Variants in ZNF239 observed in about 807,000 individuals in gnomAD.
ZNF239 encodes zinc finger protein (C2H2) homologous to mouse MOK-2.
A neutral mutation model predicts 27.5 loss-of-function variants in ZNF239; 16 were observed. That is an observed-to-expected ratio of 0.58 (90% CI 0.39 to 0.88). The LOEUF (loss-of-function observed/expected upper bound fraction) is 0.88. Ranked by LOEUF, ZNF239 falls within the 40% of genes least tolerant of loss-of-function variation. ZNF239 has a pLI of 0.00. For missense variants in ZNF239, 527 were observed against 551.9 expected, an observed-to-expected ratio of 0.95 and a Z score of 0.45; for synonymous variants, 199 against 192.6, an observed-to-expected ratio of 1.03 and a Z score of -0.27.
In ZNF239 at chr10:43,556,589, T is replaced by C. The variant is rs1358946029; in HGVS notation, c.*114A>G. ...AGTGATTTTTCAGTGAGGGAACATA[T>C]CTAAATAACCCTTACATCTCTCTCC... On this transcript the variant is annotated 3_prime_UTR_variant, in exon 4 of 4. Coordinates refer to ENST00000374446, the MANE Select transcript of ZNF239 (RefSeq NM_001099282.2). 7.4e-7 allele frequency: 1 copy of C among 1,353,672 alleles called. No individual in the cohort carries two copies. The highest frequency in any genetic ancestry group is 9.9e-7 in the Non-Finnish European group (1 of 1,011,088). 83.9% of individuals were successfully genotyped at this position (1,353,672 alleles called of 1,614,324 possible). A position where few individuals can be genotyped will look rare whatever the true frequency, so the allele number is the denominator to read the frequency against.
intron 2 of ZNF239, among the ~76,000 whole-genome samples, chr10:43,568,895 C>T (rs1837857659): frequency 6.6e-6 from 1 of 152,114 alleles, no homozygotes; most frequent in Non-Finnish European, 1.5e-5. Context: ...ACTGAAAATA[C>T]AAAAATTAGC....
At position 43,557,927 on chromosome 10, in the gene ZNF239, T is replaced by G; in HGVS notation, c.153A>C (p.Gln51His). 1.2e-6 allele frequency: 2 copies of G among 1,614,208 alleles called. No homozygotes were observed. The highest frequency in any genetic ancestry group is 4.5e-5 in the East Asian group (2 of 44,894). Reference sequence around the variant, plus strand: ...TTTCAATGTTTTCGAAACAACCACTTTGAAGAGTCATCACACTGTCCCTGT... The same window carrying G: ...TTTCAATGTTTTCGAAACAACCACTGTGAAGAGTCATCACACTGTCCCTGT... Reference protein sequence around the residue: ...SRNRDSVMTLQSGCFENIESE... With the variant: ...SRNRDSVMTLHSGCFENIESE... The change falls in exon 4 of 4, where the codon CAA (glutamine) becomes CAC (histidine). Residue 51 changes from glutamine to histidine, a missense_variant. Transcript: ENST00000374446.
chr10:43,565,998 ATAAAAAT>A (rs1837623184), intron 3 of ZNF239, among the ~76,000 whole-genome samples: 1 of 152,232 alleles, frequency 6.6e-6, no homozygotes, highest in South Asian at 2.1e-4. Flanking sequence ...ATATGCTGAA[ATAAAAAT>A]TAAAAAAGGA....
Position 43,557,030 on chromosome 10 carries a change from A to C in ZNF239, c.1050T>G (p.Gly350=), listed in dbSNP as rs1286923618. 1.2e-6 allele frequency: 2 copies of C among 1,607,048 alleles called. No individual in the cohort carries two copies. Among genetic ancestry groups the C allele is most frequent in the South Asian group, 1.1e-5 (1 of 90,742 alleles). Residue 350 remains glycine (G), a synonymous_variant, in exon 4 of 4, where the codon GGT becomes GGG. Coordinates refer to ENST00000374446, the MANE Select transcript of ZNF239 (RefSeq NM_001099282.2). ...TCTGACTGAAGCCCTTCCCACACTCACCACACTTGTAGGGCCTCTCTCCTG... is the reference window on the plus strand; with the variant it reads ...TCTGACTGAAGCCCTTCCCACACTCCCCACACTTGTAGGGCCTCTCTCCTG... The part of the protein sequence containing the change: ...VHTGERPYKC[G]ECGKGFSQSS...
At chr10:43,574,182 C>A (rs2132323339) in intron 1 of ZNF239, among the ~76,000 whole-genome samples, 1 of 152,342 alleles carries the variant, frequency 6.6e-6, no homozygotes, top group African/African-American at 2.4e-5. Context: ...AACCCCCCTG[C>A]AATAACGCCC....
chr10:43,558,455 A>AC (rs1564455846), intron 3 of ZNF239, among the ~76,000 whole-genome samples: 2 of 147,594 alleles, frequency 1.4e-5, no homozygotes. Flanking sequence ...ATCTCACTTC[A>AC]TTTTTTTTTT....
rs1360502924 is a variant in ZNF239, at chr10:43,558,131, T to C, written c.-52A>G. On this transcript the variant is annotated 5_prime_UTR_variant, in exon 4 of 4. Transcript: ENST00000374446. ...GCTCATGTAACAGATCCTGAAGTGT[T>C]TTCTGCTGAAGATTCTCCACAGAAT... is the stretch of plus-strand genomic sequence containing the variant. The C allele has an allele frequency of 6.5e-7, 1 of 1,545,146 alleles. No homozygotes were observed. Among genetic ancestry groups the C allele is most frequent in the Non-Finnish European group, 8.7e-7 (1 of 1,146,302 alleles).
At chr10:43,565,817 GAAAAAAAAAAA>G (rs36039838) in intron 3 of ZNF239, among the ~76,000 whole-genome samples, 1 of 67,138 alleles carries the variant, frequency 1.5e-5, no homozygotes, top group Admixed American at 2.7e-4. Flanking sequence ...TCCATCTCAA[GAAAAAAAAAAA>G]AAAAAAAAAA....
chr10:43,559,666 A>G (rs1465475380), intron 3 of ZNF239, among the ~76,000 whole-genome samples: 1 of 152,232 alleles, frequency 6.6e-6, no homozygotes, highest in Non-Finnish European at 1.5e-5. Flanking sequence ...ACTTACTGGT[A>G]TATTAAAAAA....
chr10:43,569,543 T>C (rs549099748), intron 2 of ZNF239, among the ~76,000 whole-genome samples: 1 of 152,304 alleles, frequency 6.6e-6, no homozygotes, highest in East Asian at 1.9e-4. Flanking sequence ...ATCAAACTCA[T>C]TGTAGCTTCT....
At chr10:43,570,049 G>A (rs1008918669) in intron 2 of ZNF239, 2 of 403,536 alleles carry the variant, frequency 5.0e-6, no homozygotes, top group Non-Finnish European at 6.7e-6. Flanking sequence ...TAAAGTGATA[G>A]AATATATAAA....
chr10:43,566,995 G>A (rs1283572946), intron 3 of ZNF239, among the ~76,000 whole-genome samples: 5 of 152,156 alleles, frequency 3.3e-5, no homozygotes, highest in African/African-American at 4.8e-5. Context: ...TCCAGAGGCC[G>A]AGGCAGGAGA....
chr10:43,562,090 AAGC>A (rs796707611), intron 3 of ZNF239, among the ~76,000 whole-genome samples: 15 of 152,336 alleles, frequency 9.8e-5, no homozygotes, highest in African/African-American at 3.4e-4. Flanking sequence ...AATTCTTGGG[AAGC>A]TAGGCATTTG....
rs1012234162 is a variant in ZNF239 at position 43,560,799 on chromosome 10, T to A, written c.-92-2628A>T. 2.0e-5 allele frequency among the ~76,000 whole-genome samples: 3 copies of A among 151,826 alleles called. 1 individual carries two copies. Among genetic ancestry groups the A allele is most frequent in the Admixed American group, 1.3e-4 (2 of 15,226 alleles). On this transcript the variant is annotated intron_variant, in intron 3 of 3. Transcript: ENST00000374446. ...CATGGGTTGAGGACACACTCCAATATCATGCTGAGAACACAAGAATTTTGA... is the reference window on the plus strand; with the variant it reads ...CATGGGTTGAGGACACACTCCAATAACATGCTGAGAACACAAGAATTTTGA...
At chr10:43,564,283 C>T in intron 3 of ZNF239, 1 of 984,336 alleles carries the variant, frequency 1.0e-6, no homozygotes, top group Non-Finnish European at 1.2e-6. Flanking sequence ...GACTTACTGA[C>T]CGTATAGTAA....
rs776142384 is a variant in ZNF239, at chr10:43,557,089, GCTGA to G, written c.987_990del (p.Gln330AlafsTer130). 2.7e-5 allele frequency: 43 copies of G among 1,602,226 alleles called. No homozygotes were observed. Among genetic ancestry groups the G allele is most frequent in the Non-Finnish European group, 3.2e-5 (38 of 1,176,416 alleles). On this transcript the variant is annotated frameshift_variant, in exon 4 of 4. Coordinates refer to ENST00000374446, the MANE Select transcript of ZNF239 (RefSeq NM_001099282.2). LOFTEE classifies it high-confidence loss of function. ...CGCTGGTGGATGTGCAGGTTTGAGC[GCTGA>G]CTGAAGCTCATACCACACTCCTCAC...
At chr10:43,564,840 G>A (rs916773153) in intron 3 of ZNF239, among the ~76,000 whole-genome samples, 2 of 151,650 alleles carry the variant, frequency 1.3e-5, no homozygotes, top group East Asian at 2.0e-4. Flanking sequence ...AAGAGAAACC[G>A]AATATAGTCA....
At chr10:43,572,099 G>A (rs1470981156) in intron 2 of ZNF239, among the ~76,000 whole-genome samples, 2 of 152,206 alleles carry the variant, frequency 1.3e-5, no homozygotes, top group South Asian at 2.1e-4. Context: ...CAGACCTAAG[G>A]ACAATGTGTG....
chr10:43,572,962 A>G (rs1838127645), intron 2 of ZNF239, among the ~76,000 whole-genome samples: 1 of 152,346 alleles, frequency 6.6e-6, no homozygotes, highest in Admixed American at 6.5e-5. Context: ...GTATAGAGAG[A>G]TATTTCACAA....
Sources: allele counts gnomAD v4.1 joint callset (sites outside exome capture counted in the v4.1 genomes callset), GRCh38; gene constraint gnomAD v4.1.1; transcripts MANE v1.5; gene names NCBI Gene and HGNC (gene_info 2026-07-23, HGNC 2026-07-21).